Variants in RUNDC3B observed in about 807,000 individuals in gnomAD.
The protein encoded by RUNDC3B is RUN domain-containing protein 3B.
Under a neutral mutation model 58.4 loss-of-function variants are expected in RUNDC3B, and 33 were observed. That is an observed-to-expected ratio of 0.56 (90% CI 0.43 to 0.75). The LOEUF (loss-of-function observed/expected upper bound fraction) is 0.75, where lower values mean the gene tolerates loss of function less well. Ranked by LOEUF, RUNDC3B falls within the 30% of genes least tolerant of loss-of-function variation. The pLI is 0.00. For synonymous variants in RUNDC3B, 193 were observed against 195.2 expected (o/e 0.99, Z 0.10); for missense variants, 501 against 535.7 (o/e 0.94, Z 0.64).
chr7:87,636,284 G>A (rs912476315), intron 1 of RUNDC3B, among the ~76,000 whole-genome samples: 2 of 152,146 alleles, frequency 1.3e-5, no homozygotes, highest in African/African-American at 4.8e-5. Flanking sequence ...GTTTGTTGGG[G>A]TGTCACATGG....
chr7:87,802,385 C>G (rs1233508869), intron 8 of RUNDC3B, among the ~76,000 whole-genome samples: 2 of 151,364 alleles, frequency 1.3e-5, no homozygotes, highest in Admixed American at 6.6e-5. Context: ...ACAGAGCAAC[C>G]CTGTCTCAAA....
At chr7:87,731,306 C>G (rs974564141) in intron 4 of RUNDC3B, among the ~76,000 whole-genome samples, 1 of 151,998 alleles carries the variant, frequency 6.6e-6, no homozygotes. Flanking sequence ...TAAATTAAGG[C>G]TTATCACAAT....
At chr7:87,812,358 T>C (rs776803989) in intron 9 of RUNDC3B, among the ~76,000 whole-genome samples, 115 of 152,120 alleles carry the variant, frequency 7.6e-4, no homozygotes, top group Middle Eastern at 3.2e-3. Flanking sequence ...TTTGTAATCC[T>C]AGCACTTTGG....
At chr7:87,730,173 G>C (rs1563167992) in intron 4 of RUNDC3B, among the ~76,000 whole-genome samples, 1 of 152,160 alleles carries the variant, frequency 6.6e-6, no homozygotes, top group East Asian at 1.9e-4. Flanking sequence ...GGAACCATGG[G>C]GAGAGACTCC....
intron 1 of RUNDC3B, among the ~76,000 whole-genome samples, chr7:87,649,599 T>G (rs1823366576): frequency 6.6e-6 from 1 of 152,198 alleles, no homozygotes; most frequent in African/African-American, 2.4e-5. Flanking sequence ...CAGTCAAAAA[T>G]AGAGACAAAG....
At chr7:87,760,354 A>G (rs1385599252) in intron 6 of RUNDC3B, among the ~76,000 whole-genome samples, 2 of 152,126 alleles carry the variant, frequency 1.3e-5, no homozygotes, top group Non-Finnish European at 2.9e-5. Flanking sequence ...ATAAAAAGAT[A>G]TACTTGTTAA....
At chr7:87,632,578 G>A (rs1821333351) in intron 1 of RUNDC3B, among the ~76,000 whole-genome samples, 1 of 152,102 alleles carries the variant, frequency 6.6e-6, no homozygotes, top group South Asian at 2.1e-4. Context: ...TTGGCTCTGA[G>A]AACCAACTAG....
At chr7:87,750,140 G>A (rs1334950564) in intron 6 of RUNDC3B, among the ~76,000 whole-genome samples, 2 of 150,830 alleles carry the variant, frequency 1.3e-5, no homozygotes, top group Admixed American at 6.6e-5. Flanking sequence ...TTGGTTTTTT[G>A]TTCTTGCGAT....
rs370793656 is a variant in RUNDC3B, at chr7:87,777,890, C to T, written c.891C>T (p.Ser297=). Residue 297 remains serine (S), a synonymous_variant, in exon 8 of 11, where the codon TCC becomes TCT. Transcript: ENST00000394654. ...NKILLQRIED[S]DLAHKLEKEQ... Reference sequence around the variant, plus strand: ...TACTACTTCAAAGGATTGAAGATTCCGATCTGGCTCATAAACTGGAGAAGG... The same window carrying T: ...TACTACTTCAAAGGATTGAAGATTCTGATCTGGCTCATAAACTGGAGAAGG... 202 of 1,613,280 alleles carry T rather than the reference C, an allele frequency of 1.3e-4. No individual in the cohort carries two copies. The highest frequency in any genetic ancestry group is 1.7e-4 in the Middle Eastern group (1 of 6,052).
chr7:87,694,118 A>G (rs1031509911), intron 2 of RUNDC3B: 5 of 746,034 alleles, frequency 6.7e-6, no homozygotes, highest in Non-Finnish European at 8.2e-6. Context: ...TTTTTAATCC[A>G]GAGAGCACAA....
At chr7:87,694,289 C>T (rs948488395) in intron 2 of RUNDC3B, among the ~76,000 whole-genome samples, 1 of 152,040 alleles carries the variant, frequency 6.6e-6, no homozygotes, top group African/African-American at 2.4e-5. Context: ...AGATGTGGCA[C>T]CATAAACAAT....
chr7:87,823,268 C>T (rs564991972), intron 10 of RUNDC3B, among the ~76,000 whole-genome samples: 25 of 152,080 alleles, frequency 1.6e-4, no homozygotes, highest in African/African-American at 3.9e-4. Flanking sequence ...CTGATTGAAC[C>T]CCAACAGGTA....
At chr7:87,701,811 A>G (rs934547823) in intron 3 of RUNDC3B, among the ~76,000 whole-genome samples, 1 of 152,210 alleles carries the variant, frequency 6.6e-6, no homozygotes, top group South Asian at 2.1e-4. Context: ...ATATCTAATT[A>G]TCTTGTAAAG....
chr7:87,783,903 T>C (rs1217384643), intron 8 of RUNDC3B, among the ~76,000 whole-genome samples: 1 of 152,158 alleles, frequency 6.6e-6, no homozygotes, highest in Non-Finnish European at 1.5e-5. Context: ...TTGTAAGTGA[T>C]ATGACCCTTT....
chr7:87,753,599 T>G (rs575716400), intron 6 of RUNDC3B, among the ~76,000 whole-genome samples: 7 of 152,340 alleles, frequency 4.6e-5, no homozygotes, highest in African/African-American at 1.7e-4. Context: ...TAGCTCTTCT[T>G]GTTGAATTGA....
chr7:87,701,385 T>A (rs1322056550), intron 3 of RUNDC3B, among the ~76,000 whole-genome samples: 1 of 152,264 alleles, frequency 6.6e-6, no homozygotes, highest in Non-Finnish European at 1.5e-5. Context: ...GTTCACCATC[T>A]TAAGCTTCAT....
In RUNDC3B at chr7:87,807,397, A is replaced by C. The variant is rs774276150; in HGVS notation, c.981A>C (p.Leu327Phe). The C allele has an allele frequency of 3.1e-6, 5 of 1,613,790 alleles. No homozygotes were observed. Among genetic ancestry groups the C allele is most frequent in the Non-Finnish European group, 4.2e-6 (5 of 1,179,718 alleles). ...DQLTVLKNND[L>F]RSRQELTAHL... ...GGACTGTGCTAAAGAATAATGATTT[A>C]AGATCGAGACAAGAGTTAACTGCCC... Residue 327 changes from leucine to phenylalanine, a missense_variant, in exon 9 of 11, where the codon TTA becomes TTC. By Grantham distance (22) the Leu-to-Phe change is conservative. Transcript: ENST00000394654.
chr7:87,755,104 C>A, intron 6 of RUNDC3B, among the ~76,000 whole-genome samples: 1 of 151,544 alleles, frequency 6.6e-6, no homozygotes, highest in East Asian at 1.9e-4. Context: ...CTCACTGCAA[C>A]TTCTGCCTCC....
chr7:87,712,775 A>C (rs901603055), intron 4 of RUNDC3B, among the ~76,000 whole-genome samples: 1 of 151,868 alleles, frequency 6.6e-6, no homozygotes, highest in Non-Finnish European at 1.5e-5. Flanking sequence ...ATAAACATAC[A>C]GTCTTCAAAC....
Sources: allele counts gnomAD v4.1 joint callset (sites outside exome capture counted in the v4.1 genomes callset), GRCh38; gene constraint gnomAD v4.1.1; transcripts MANE v1.5; gene names NCBI Gene and HGNC (gene_info 2026-07-23, HGNC 2026-07-21).